FAM177A1: variants seen among roughly 807,000 people sequenced by gnomAD.
The protein encoded by FAM177A1 is family with sequence similarity 177 member A1.
FAM177A1 carries 22 observed loss-of-function variants against 26.1 expected under a neutral mutation model. The ratio of observed to expected loss-of-function variants is 0.84; its 90% CI spans 0.60 to 1.20. The LOEUF is 1.20. Ranked by LOEUF, FAM177A1 falls within the 50% of genes most tolerant of loss-of-function variation. FAM177A1 has a pLI of 0.00. For synonymous variants in FAM177A1, 95 were observed against 99.3 expected (o/e 0.96, Z 0.26); for missense variants, 296 against 291.1 (o/e 1.02, Z -0.12).
intron 1 of FAM177A1, among the ~76,000 whole-genome samples, chr14:35,049,358 G>T (rs545665960): frequency 1.5e-3 from 227 of 152,334 alleles, no homozygotes; most frequent in Non-Finnish European, 2.2e-3. Flanking sequence ...TAGGCTGAAA[G>T]ATATAGCAGT....
intron 2 of FAM177A1, among the ~76,000 whole-genome samples, chr14:35,056,057 G>A (rs2045056922): frequency 2.0e-5 from 3 of 151,890 alleles, no homozygotes; most frequent in South Asian, 2.1e-4. Context: ...TTTTTTGAGA[G>A]GGAGTCTGGC....
rs139599306 is a variant in FAM177A1, at chr14:35,053,285, A to T, written c.173A>T (p.Asn58Ile). ...AAAATATCGTTGATATAGATGAGTA[A>T]CGAAAGAGGCTTTGAAAATGTAGAA... The part of the protein sequence containing the change: ...AFGESAGQMS[N>I]ERGFENVELG... Residue 58 changes from asparagine to isoleucine, a missense_variant, in exon 2 of 5, where the codon AAC becomes ATC. Asn to Ile is a moderately radical substitution (Grantham distance 149). Transcript: ENST00000280987. 3 of 1,609,116 alleles carry T rather than the reference A, an allele frequency of 1.9e-6. No homozygotes were observed. The highest frequency in any genetic ancestry group is 2.5e-6 in the Non-Finnish European group (3 of 1,178,928).
At chr14:35,067,444 G>C (rs2045256633) in intron 2 of FAM177A1, among the ~76,000 whole-genome samples, 1 of 152,128 alleles carries the variant, frequency 6.6e-6, no homozygotes, top group East Asian at 1.9e-4. Context: ...GGACACCTAG[G>C]TTGGTTCCAT....
intron 2 of FAM177A1, among the ~76,000 whole-genome samples, chr14:35,057,215 A>G (rs556100002): frequency 2.6e-5 from 4 of 152,156 alleles, no homozygotes; most frequent in South Asian, 4.1e-4. Context: ...GTTTTATTCC[A>G]TAAATTTTTG....
intron 2 of FAM177A1, among the ~76,000 whole-genome samples, chr14:35,063,008 C>T (rs1457756545): frequency 9.5e-5 from 14 of 147,170 alleles, no homozygotes; most frequent in Non-Finnish European, 1.8e-4. Flanking sequence ...AGGTCGGGTG[C>T]GGTGGACCAC....
At position 35,078,935 on chromosome 14, in the gene FAM177A1, T is replaced by A; in HGVS notation, c.415T>A (p.Phe139Ile). Residue 139 changes from phenylalanine (F) to isoleucine (I), a missense_variant, in exon 4 of 5, where the codon TTC (phenylalanine) becomes ATC (isoleucine). Physicochemically the swap from Phe to Ile is conservative, Grantham distance 21. Transcript: ENST00000280987. ...AATSTLSVCD[F>I]LGEKIASVLG... ...AACTTTTGTATTTTCAGTGTGTGACTTCCTTGGAGAGAAGATTGCATCTGT... is the reference window on the plus strand; with the variant it reads ...AACTTTTGTATTTTCAGTGTGTGACATCCTTGGAGAGAAGATTGCATCTGT... 6.5e-7 allele frequency: 1 copy of A among 1,533,928 alleles called. No homozygotes were observed. Among genetic ancestry groups the A allele is most frequent in the Non-Finnish European group, 8.7e-7 (1 of 1,152,874 alleles).
chr14:35,057,221 T>A (rs1342597555), intron 2 of FAM177A1, among the ~76,000 whole-genome samples: 2 of 152,102 alleles, frequency 1.3e-5, no homozygotes, highest in African/African-American at 4.8e-5. Flanking sequence ...TTCCATAAAT[T>A]TTTGTTGTTG....
chr14:35,061,107 C>T (rs956036127), intron 2 of FAM177A1, among the ~76,000 whole-genome samples: 27 of 152,038 alleles, frequency 1.8e-4, no homozygotes, highest in African/African-American at 4.4e-4. Context: ...CAGTATTATC[C>T]GCAGTTTCAG....
At chr14:35,047,783 A>AACAAC (rs2044896707) in intron 1 of FAM177A1, among the ~76,000 whole-genome samples, 1 of 66,296 alleles carries the variant, frequency 1.5e-5, no homozygotes, top group South Asian at 5.3e-4. Flanking sequence ...CAACAACAAC[A>AACAAC]AAAAAAAAAC....
rs370003655 is a variant in FAM177A1, at chr14:35,046,435, C to T, written c.-29C>T. On this transcript the variant is annotated 5_prime_UTR_variant, in exon 1 of 5. Coordinates refer to ENST00000280987, the MANE Select transcript of FAM177A1 (RefSeq NM_173607.5). ...AGTCCCACTTCCCGACAGCCTGGCT[C>T]GGCCAGCGACTGGGCGGGGAGACCA... 415 of 1,515,346 alleles carry T rather than the reference C, an allele frequency of 2.7e-4. 5 individuals are homozygous for T. In the South Asian group the frequency reaches 3.7e-3, roughly 13 times the overall value. 93.9% of individuals were successfully genotyped at this position (1,515,346 alleles called of 1,614,324 possible). A position where few individuals can be genotyped will look rare whatever the true frequency, so the allele number is the denominator to read the frequency against.
intron 2 of FAM177A1, among the ~76,000 whole-genome samples, chr14:35,066,934 C>T (rs569763219): frequency 6.6e-6 from 1 of 152,188 alleles, no homozygotes; most frequent in East Asian, 1.9e-4. Context: ...GCTGGGATTA[C>T]AGGCATGCGC....
intron 2 of FAM177A1, among the ~76,000 whole-genome samples, chr14:35,066,643 G>A (rs1169293993): frequency 2.6e-5 from 4 of 151,764 alleles, no homozygotes; most frequent in African/African-American, 9.7e-5. Context: ...GACCTCAAGT[G>A]ATCTGCCCGC....
chr14:35,075,640 G>C (rs936341423), intron 2 of FAM177A1, among the ~76,000 whole-genome samples: 24 of 151,980 alleles, frequency 1.6e-4, no homozygotes, highest in Non-Finnish European at 2.9e-4. Context: ...AGCAAAAGAA[G>C]CTACCATCAG....
chr14:35,063,837 T>TGA (rs2045197481), intron 2 of FAM177A1, among the ~76,000 whole-genome samples: 1 of 150,884 alleles, frequency 6.6e-6, no homozygotes. Flanking sequence ...GCCAGGAGTT[T>TGA]GAGACCAGCC....
intron 2 of FAM177A1, among the ~76,000 whole-genome samples, chr14:35,070,399 G>A (rs745758914): frequency 6.6e-5 from 10 of 151,316 alleles, no homozygotes; most frequent in African/African-American, 1.5e-4. Flanking sequence ...GCATGATCTC[G>A]CCTCGCTGCA....
intron 2 of FAM177A1, among the ~76,000 whole-genome samples, chr14:35,054,056 T>C (rs1478291313): frequency 6.6e-6 from 1 of 152,108 alleles, no homozygotes; most frequent in Non-Finnish European, 1.5e-5. Flanking sequence ...TTAAGGACTG[T>C]ACTGCCATGA....
chr14:35,057,529 G>A (rs1285465093), intron 2 of FAM177A1, among the ~76,000 whole-genome samples: 2 of 151,890 alleles, frequency 1.3e-5, no homozygotes, highest in South Asian at 2.1e-4. Context: ...ACAGGTGCAC[G>A]CCACCATGCC....
chr14:35,046,124 G>A (rs2044855307), upstream of FAM177A1: 2 of 195,262 alleles, frequency 1.0e-5, no homozygotes, highest in South Asian at 3.2e-4. Context: ...GAGACGCCAG[G>A]CTTCAGGTAC....
At chr14:35,064,639 G>C (rs1459838747) in intron 2 of FAM177A1, among the ~76,000 whole-genome samples, 1 of 150,952 alleles carries the variant, frequency 6.6e-6, no homozygotes. Flanking sequence ...AGCAAAAAGA[G>C]ATACAATTTA....
Sources: gnomAD v4.1 joint callset for allele counts (sites outside exome capture counted in the v4.1 genomes callset) on GRCh38, gnomAD v4.1.1 for gene constraint, MANE v1.5 for transcripts, NCBI Gene and HGNC (gene_info 2026-07-23, HGNC 2026-07-21) for gene names.